Variants in SYT17 observed in about 807,000 individuals in gnomAD.
The protein encoded by SYT17 is synaptotagmin-17.
Under a neutral mutation model 46.7 loss-of-function variants are expected in SYT17, and 22 were observed. The ratio of observed to expected loss-of-function variants is 0.47; its 90% CI spans 0.34 to 0.67. The LOEUF (loss-of-function observed/expected upper bound fraction) is 0.67, where lower values mean the gene tolerates loss of function less well. SYT17 is among the 30% of genes least tolerant of loss of function. The pLI is 0.01. For synonymous variants in SYT17, 251 were observed against 248.4 expected (o/e 1.01, Z -0.10); for missense variants, 519 against 612.8 (o/e 0.85, Z 1.62).
Position 19,267,970 on chromosome 16 carries a change from G to A in SYT17, c.*894G>A, listed in dbSNP as rs1295106388. 1 of 103,348 alleles carries A rather than the reference G, an allele frequency of 9.7e-6. No homozygotes were observed. The highest frequency in any genetic ancestry group is 3.2e-5 in the African/African-American group (1 of 30,836). The allele number at this position is 103,348 out of a possible 1,614,324, so 6.4% of individuals were successfully genotyped here. A position where few individuals can be genotyped will look rare whatever the true frequency, so the allele number is the denominator to read the frequency against. On this transcript the variant is annotated 3_prime_UTR_variant, in exon 8 of 8. Transcript: ENST00000355377. ...TGTGTGTGTGTGTGTGTGTGTGTGT[G>A]TGTAAAGTAAATAGGATATGATAGA...
intron 7 of SYT17, among the ~76,000 whole-genome samples, chr16:19,232,762 G>A (rs1338292578): frequency 4.6e-5 from 7 of 152,010 alleles, no homozygotes; most frequent in Non-Finnish European, 1.0e-4. Flanking sequence ...GCCTTGGGAG[G>A]TGGAGGTTGC....
intron 5 of SYT17, among the ~76,000 whole-genome samples, chr16:19,193,800 C>A (rs1017074035): frequency 2.0e-5 from 3 of 152,200 alleles, no homozygotes; most frequent in Admixed American, 6.5e-5. Context: ...GGTATTTATT[C>A]ACCGAGTTCC....
intron 1 of SYT17, among the ~76,000 whole-genome samples, chr16:19,169,600 C>T (rs1467041122): frequency 6.6e-6 from 1 of 152,210 alleles, no homozygotes; most frequent in African/African-American, 2.4e-5. Flanking sequence ...ATCCCCTCAT[C>T]GTGTCCTCAG....
At chr16:19,241,547 G>A (rs866222689) in intron 7 of SYT17, among the ~76,000 whole-genome samples, 23 of 152,268 alleles carry the variant, frequency 1.5e-4, no homozygotes, top group Middle Eastern at 6.8e-3. Context: ...AGCCTGGGGC[G>A]GGGGCCCAGG....
intron 3 of SYT17, among the ~76,000 whole-genome samples, chr16:19,174,420 C>G (rs918355465): frequency 6.6e-6 from 1 of 152,116 alleles, no homozygotes; most frequent in Non-Finnish European, 1.5e-5. Flanking sequence ...GAGAGGGAGA[C>G]AGACAGCGGC....
At chr16:19,196,803 G>C (rs188738594) in intron 5 of SYT17, among the ~76,000 whole-genome samples, 67 of 152,286 alleles carry the variant, frequency 4.4e-4, no homozygotes, top group Admixed American at 1.2e-3. Context: ...TTGGACAAAT[G>C]TATAATGACA....
intron 5 of SYT17, among the ~76,000 whole-genome samples, chr16:19,188,900 T>G (rs1964897349): frequency 6.6e-6 from 1 of 152,198 alleles, no homozygotes; most frequent in Admixed American, 6.5e-5. Context: ...TCTCTTCTTT[T>G]TTTTTGAGAT....
intron 5 of SYT17, among the ~76,000 whole-genome samples, chr16:19,203,411 C>T (rs553660971): frequency 2.6e-5 from 4 of 151,778 alleles, no homozygotes; most frequent in African/African-American, 4.8e-5. Context: ...GTAGGAGAAT[C>T]GCTTGAGCCT....
At position 19,168,520 on chromosome 16, in the gene SYT17, C is replaced by G. The variant is rs1963952789; in HGVS notation, c.-127C>G. The G allele has an allele frequency of 9.5e-6, 13 of 1,370,616 alleles. No individual in the cohort carries two copies. Among genetic ancestry groups the G allele is most frequent in the Non-Finnish European group, 1.3e-5 (13 of 998,952 alleles). The allele number at this position is 1,370,616 out of a possible 1,614,324, so 84.9% of individuals were successfully genotyped here. ...CGCCGCTCATCAGCCACGCCAGTCA[C>G]GTCTGGGGCCACCGGCTGCCTTTTT... On this transcript the variant is annotated 5_prime_UTR_variant, in exon 1 of 8. Transcript: ENST00000355377. The surrounding 1 kb of genome is among the most constrained non-coding windows in gnomAD (Gnocchi z 6.9).
intron 5 of SYT17, among the ~76,000 whole-genome samples, chr16:19,205,063 C>T (rs945397614): frequency 2.6e-5 from 4 of 152,200 alleles, no homozygotes; most frequent in Non-Finnish European, 4.4e-5. Context: ...TAGGACGCCC[C>T]TCATGGGTCT....
rs1299176574 is a variant in SYT17 at position 19,168,357 on chromosome 16, G to T, written c.-290G>T. ...TTATTCCAGCCTGGGGAGCGCCTCGGTGGGGAGCACGGGACAGCGAGGGAG... is the reference window on the plus strand; with the variant it reads ...TTATTCCAGCCTGGGGAGCGCCTCGTTGGGGAGCACGGGACAGCGAGGGAG... On this transcript the variant is annotated 5_prime_UTR_variant, in exon 1 of 8. Transcript: ENST00000355377. The surrounding 1 kb of genome is among the most constrained non-coding windows in gnomAD (Gnocchi z 6.9). The T allele has an allele frequency of 6.0e-6, 3 of 501,338 alleles. No homozygotes were observed. Among genetic ancestry groups the T allele is most frequent in the South Asian group, 2.4e-5 (1 of 40,922 alleles). The allele number at this position is 501,338 out of a possible 1,614,324, so 31.1% of individuals were successfully genotyped here.
chr16:19,216,828 G>T (rs183703378), intron 5 of SYT17, among the ~76,000 whole-genome samples: 30 of 152,206 alleles, frequency 2.0e-4, no homozygotes, highest in African/African-American at 7.0e-4. Context: ...TGTGAATATT[G>T]CCACAATAAA....
chr16:19,187,287 T>C (rs1283408954), intron 5 of SYT17, among the ~76,000 whole-genome samples: 1 of 152,146 alleles, frequency 6.6e-6, no homozygotes, highest in Non-Finnish European at 1.5e-5. Flanking sequence ...AGCGATCCTC[T>C]CACCTCGGCC....
At chr16:19,227,979 T>C (rs1248760825) in intron 7 of SYT17, among the ~76,000 whole-genome samples, 2 of 152,158 alleles carry the variant, frequency 1.3e-5, no homozygotes, top group Non-Finnish European at 2.9e-5. Context: ...TGGATTTAAC[T>C]TTTCATTTTT....
chr16:19,222,522 T>A (rs1454441714), intron 5 of SYT17, among the ~76,000 whole-genome samples: 1 of 129,500 alleles, frequency 7.7e-6, no homozygotes, highest in Non-Finnish European at 1.6e-5. Context: ...AAGAACAGAT[T>A]TCTCACTCAG....
chr16:19,181,444 T>C (rs1964552595), intron 4 of SYT17, among the ~76,000 whole-genome samples: 1 of 149,350 alleles, frequency 6.7e-6, no homozygotes, highest in South Asian at 2.1e-4. Flanking sequence ...TGTCCAACCT[T>C]TCCTGGGGAT....
chr16:19,216,465 G>C lies in SYT17; in HGVS notation c.952-6580G>C, dbSNP rs113107909. 5.9e-5 allele frequency among the ~76,000 whole-genome samples: 9 copies of C among 151,810 alleles called. 1 individual carries two copies. Among genetic ancestry groups the C allele is most frequent in the African/African-American group, 2.2e-4 (9 of 41,338 alleles). ...TGTTACATAGGTATACACATGCCAT[G>C]GTGGTTTGCTGCACCCATCAACCTG... On this transcript the variant is annotated intron_variant, in intron 5 of 7. Coordinates refer to ENST00000355377, the MANE Select transcript of SYT17 (RefSeq NM_016524.4).
intron 2 of SYT17, 21 bp from the exon 3 acceptor site, chr16:19,173,409 C>A: frequency 7.1e-7 from 1 of 1,406,510 alleles, no homozygotes; most frequent in Non-Finnish European, 9.6e-7. Flanking sequence ...TCCCCCCGCC[C>A]ACCTCCCCCA....
At chr16:19,219,013 C>T (rs377178606) in intron 5 of SYT17, among the ~76,000 whole-genome samples, 1 of 152,206 alleles carries the variant, frequency 6.6e-6, no homozygotes, top group Non-Finnish European at 1.5e-5. Flanking sequence ...GCAGCTCCCA[C>T]GCGAACCCCA....
Sources: allele counts gnomAD v4.1 joint callset (sites outside exome capture counted in the v4.1 genomes callset), GRCh38; gene constraint gnomAD v4.1.1; non-coding constraint Gnocchi (gnomAD v3.1); transcripts MANE v1.5; gene names NCBI Gene and HGNC (gene_info 2026-07-23, HGNC 2026-07-21).